Variants in FRMD4B observed in about 807,000 individuals in gnomAD.
The protein encoded by FRMD4B is FERM domain containing 4B, also known as FERM domain-containing protein 4B.
A neutral mutation model predicts 141.5 loss-of-function variants in FRMD4B; 74 were observed. That is an observed-to-expected ratio of 0.52 (90% CI 0.43 to 0.63). The LOEUF (loss-of-function observed/expected upper bound fraction) is 0.63. FRMD4B is among the 30% of genes least tolerant of loss of function. FRMD4B has a pLI of 0.00. For synonymous variants in FRMD4B, 506 were observed against 467.9 expected, an observed-to-expected ratio of 1.08 and a Z score of -1.05; for missense variants, 1,366 against 1,253.4, an observed-to-expected ratio of 1.09 and a Z score of -1.36.
intron 1 of FRMD4B, among the ~76,000 whole-genome samples, chr3:69,355,969 G>A (rs1415590160): frequency 1.3e-5 from 2 of 151,992 alleles, no homozygotes; most frequent in African/African-American, 4.8e-5. Flanking sequence ...AGGTTGCAGT[G>A]AGCTGAGATC....
chr3:69,265,372 A>G (rs2093555906), intron 5 of FRMD4B, among the ~76,000 whole-genome samples: 1 of 144,820 alleles, frequency 6.9e-6, no homozygotes, highest in South Asian at 2.2e-4. Context: ...TTCCCCAGGT[A>G]GCAGCCCAGG....
intron 7 of FRMD4B, among the ~76,000 whole-genome samples, chr3:69,238,803 A>G (rs745312852): frequency 6.6e-6 from 1 of 152,092 alleles, no homozygotes; most frequent in Non-Finnish European, 1.5e-5. Context: ...AACAACAAAA[A>G]TGTTCCTTCC....
chr3:69,187,097 A>G (rs2092775974), intron 19 of FRMD4B, among the ~76,000 whole-genome samples: 1 of 152,174 alleles, frequency 6.6e-6, no homozygotes, highest in Admixed American at 6.5e-5. Context: ...TGCAGAGTGG[A>G]CTTTAACGAC....
At chr3:69,362,091 C>A (rs1703486642) in intron 1 of FRMD4B, among the ~76,000 whole-genome samples, 1 of 152,096 alleles carries the variant, frequency 6.6e-6, no homozygotes, top group South Asian at 2.1e-4. Flanking sequence ...TTTTTGTTTG[C>A]ACAGGTATAG....
upstream of FRMD4B, chr3:69,386,315 G>T (rs1037597801): frequency 8.4e-6 from 2 of 238,588 alleles, no homozygotes; most frequent in Non-Finnish European, 1.6e-5. Flanking sequence ...GGCCGGCGAG[G>T]ACTCCCCCTG....
chr3:69,478,017 G>C (rs1305454380), intron 1 of FRMD4B, among the ~76,000 whole-genome samples: 2 of 152,018 alleles, frequency 1.3e-5, no homozygotes, highest in Admixed American at 6.6e-5. Context: ...ATTCTCTGAT[G>C]GTAGTTTGTA....
chr3:69,479,680 G>A (rs1706080771), intron 1 of FRMD4B, among the ~76,000 whole-genome samples: 1 of 152,080 alleles, frequency 6.6e-6, no homozygotes, highest in African/African-American at 2.4e-5. Flanking sequence ...TGACAATTAT[G>A]TGTCTTGGAG....
chr3:69,338,373 G>A (rs556340842), intron 1 of FRMD4B, among the ~76,000 whole-genome samples: 1 of 152,152 alleles, frequency 6.6e-6, no homozygotes, highest in African/African-American at 2.4e-5. Context: ...GAGTTAATGG[G>A]TGCAGCACAC....
chr3:69,238,522 G>A (rs1376409485), intron 7 of FRMD4B, among the ~76,000 whole-genome samples: 2 of 152,170 alleles, frequency 1.3e-5, no homozygotes, highest in African/African-American at 4.8e-5. Context: ...GGTAGCTCAC[G>A]CCTGTAATCC....
intron 10 of FRMD4B, 38 bp from the exon 11 acceptor site, chr3:69,216,387 G>A: frequency 1.1e-6 from 1 of 875,936 alleles, no homozygotes; most frequent in Non-Finnish European, 1.8e-6. Flanking sequence ...AGACCTAGCT[G>A]TTAACTCTTC....
chr3:69,308,943 G>A (rs1369024354), intron 3 of FRMD4B, among the ~76,000 whole-genome samples: 1 of 151,890 alleles, frequency 6.6e-6, no homozygotes, highest in Non-Finnish European at 1.5e-5. Context: ...GGCCTTTTAT[G>A]TTCTTCAATG....
At chr3:69,395,528 C>A (rs1704459528) in intron 2 of FRMD4B, among the ~76,000 whole-genome samples, 2 of 152,158 alleles carry the variant, frequency 1.3e-5, no homozygotes, top group South Asian at 4.1e-4. Flanking sequence ...CCCATTATTG[C>A]TAAAAATACA....
At chr3:69,497,109 C>G (rs928639928) in intron 1 of FRMD4B, among the ~76,000 whole-genome samples, 2 of 152,126 alleles carry the variant, frequency 1.3e-5, no homozygotes, top group African/African-American at 4.8e-5. Flanking sequence ...TAAGGGCTAT[C>G]ACAAGGTCCT....
rs1429328062 is a variant in FRMD4B, at chr3:69,170,884, T to C, written c.*977A>G. The C allele has an allele frequency of 1.3e-5, 2 of 152,226 alleles. No homozygotes were observed. The highest frequency in any genetic ancestry group is 2.9e-5 in the Non-Finnish European group (2 of 68,038). 9.4% of individuals were successfully genotyped at this position (152,226 alleles called of 1,614,324 possible). On this transcript the variant is annotated 3_prime_UTR_variant, in exon 23 of 23. Coordinates refer to ENST00000398540, the MANE Select transcript of FRMD4B (RefSeq NM_015123.3). ...TTGTGGAATCCAGACTTGTTTAATTTTCTAACGTTCACCATTTTAAGGCAC... is the reference window on the plus strand; with the variant it reads ...TTGTGGAATCCAGACTTGTTTAATTCTCTAACGTTCACCATTTTAAGGCAC...
intron 1 of FRMD4B, among the ~76,000 whole-genome samples, chr3:69,474,961 C>G (rs1406219934): frequency 1.3e-5 from 2 of 152,168 alleles, no homozygotes; most frequent in Non-Finnish European, 2.9e-5. Flanking sequence ...AAGCGGCTTT[C>G]AAGCTTAGAC....
At chr3:69,217,603 T>C (rs933640857) in intron 10 of FRMD4B, among the ~76,000 whole-genome samples, 11 of 152,092 alleles carry the variant, frequency 7.2e-5, no homozygotes, top group African/African-American at 1.7e-4. Context: ...GACTGGGCAA[T>C]AGAGCTAGAC....
At chr3:69,269,054 G>A (rs371987667) in intron 5 of FRMD4B, among the ~76,000 whole-genome samples, 2 of 150,756 alleles carry the variant, frequency 1.3e-5, no homozygotes, top group East Asian at 2.0e-4. Context: ...TTAGCCTCAC[G>A]AGTAGCTGGG....
intron 1 of FRMD4B, among the ~76,000 whole-genome samples, chr3:69,523,615 A>G (rs1217914624): frequency 2.6e-5 from 4 of 152,190 alleles, no homozygotes; most frequent in Non-Finnish European, 5.9e-5. Context: ...TCAGCTCCCA[A>G]CAACAGCCCT....
intron 2 of FRMD4B, among the ~76,000 whole-genome samples, chr3:69,422,926 T>C (rs1040645467): frequency 3.3e-4 from 50 of 152,252 alleles, no homozygotes; most frequent in African/African-American, 1.2e-3. Context: ...TGCTGAACTG[T>C]AGGGCAGGGA....
Sources: allele counts gnomAD v4.1 joint callset (sites outside exome capture counted in the v4.1 genomes callset), GRCh38; gene constraint gnomAD v4.1.1; transcripts MANE v1.5; gene names NCBI Gene and HGNC (gene_info 2026-07-23, HGNC 2026-07-21).